The following GPR137C variants were observed in gnomAD, a reference collection of about 807,000 sequenced individuals.
The protein encoded by GPR137C is integral membrane protein GPR137C.
Under a neutral mutation model 43.4 loss-of-function variants are expected in GPR137C, and 27 were observed. The observed-to-expected ratio is 0.62, with a 90% confidence interval of 0.46 to 0.86. GPR137C has a LOEUF of 0.86. GPR137C is among the 40% of genes least tolerant of loss of function. The pLI, the probability that GPR137C is intolerant of heterozygous loss-of-function variation, is 0.00. For synonymous variants in GPR137C, 285 were observed against 226.9 expected, an observed-to-expected ratio of 1.26 and a Z score of -2.30; for missense variants, 522 against 534.6, an observed-to-expected ratio of 0.98 and a Z score of 0.23.
At chr14:52,608,305 A>G (rs1341733654) in intron 3 of GPR137C, among the ~76,000 whole-genome samples, 2 of 152,178 alleles carry the variant, frequency 1.3e-5, no homozygotes, top group African/African-American at 4.8e-5. Context: ...GCTTACAAAA[A>G]ATATTCTGTA....
chr14:52,609,906 C>T (rs1263320849), intron 3 of GPR137C, among the ~76,000 whole-genome samples: 1 of 152,208 alleles, frequency 6.6e-6, no homozygotes, highest in Non-Finnish European at 1.5e-5. Flanking sequence ...TGTGATTCCC[C>T]TACCACTATC....
chr14:52,606,875 C>A (rs543287172), intron 3 of GPR137C, among the ~76,000 whole-genome samples: 1 of 152,012 alleles, frequency 6.6e-6, no homozygotes, highest in South Asian at 2.1e-4. Flanking sequence ...CCTTGAGATA[C>A]ATTATTAGAT....
intron 1 of GPR137C, among the ~76,000 whole-genome samples, chr14:52,565,919 C>T (rs1394967651): frequency 6.6e-6 from 1 of 152,028 alleles, no homozygotes; most frequent in Non-Finnish European, 1.5e-5. Flanking sequence ...TTTTCTGGGC[C>T]AGTTGTATAA....
In GPR137C at chr14:52,617,441, GGCTGAGGCAGGTGGATC is replaced by G. The variant is rs2039111688; in HGVS notation, c.718-14718_718-14702del. 2.0e-5 allele frequency among the ~76,000 whole-genome samples: 3 copies of G among 152,266 alleles called. 1 individual carries two copies. Among genetic ancestry groups the G allele is most frequent in the African/African-American group, 7.2e-5 (3 of 41,552 alleles). On this transcript the variant is annotated intron_variant, in intron 3 of 6. Transcript: ENST00000321662. ...CACCTGTAATCCCAGCACCTTAGGA[GGCTGAGGCAGGTGGATC>G]ACTTGAGGTCAGGAGTTCAAGACCA...
At chr14:52,634,877 A>G (rs1375294065) in intron 6 of GPR137C, 61 bp from the exon 7 acceptor site, 4 of 1,417,430 alleles carry the variant, frequency 2.8e-6, no homozygotes, top group African/African-American at 1.5e-5. Flanking sequence ...TAAAAATTCA[A>G]ATGTGACTTC....
intron 1 of GPR137C, among the ~76,000 whole-genome samples, chr14:52,577,505 T>TGCGC (rs765290271): frequency 4.4e-5 from 6 of 136,616 alleles, no homozygotes; most frequent in Non-Finnish European, 6.2e-5. Flanking sequence ...CATGCACGCG[T>TGCGC]GCGCGCGCGC....
At chr14:52,558,056 T>A (rs906603136) in intron 1 of GPR137C, among the ~76,000 whole-genome samples, 1 of 151,304 alleles carries the variant, frequency 6.6e-6, no homozygotes, top group Non-Finnish European at 1.5e-5. Flanking sequence ...GAGTAGTCAG[T>A]CTTTTTCAGT....
chr14:52,601,335 A>G, intron 3 of GPR137C, among the ~76,000 whole-genome samples: 1 of 152,172 alleles, frequency 6.6e-6, no homozygotes, highest in Middle Eastern at 3.2e-3. Context: ...TTAGGCTTCT[A>G]TATTTTCGTT....
Position 52,637,558 on chromosome 14 carries a change from G to A in GPR137C, c.*2443G>A, listed in dbSNP as rs893028485. On this transcript the variant is annotated 3_prime_UTR_variant, in exon 7 of 7. Transcript: ENST00000321662. ...AGCTAAAGTGGCTTTTTTATGCATA[G>A]CTGCCTTTTTTATTGTTTAACAGTG... 6.6e-6 allele frequency: 1 copy of A among 152,058 alleles called. No individual in the cohort carries two copies. Among genetic ancestry groups the A allele is most frequent in the Admixed American group, 6.6e-5 (1 of 15,248 alleles). 9.4% of individuals were successfully genotyped at this position (152,058 alleles called of 1,614,324 possible). A position where few individuals can be genotyped will look rare whatever the true frequency, so the allele number is the denominator to read the frequency against.
intron 3 of GPR137C, among the ~76,000 whole-genome samples, chr14:52,602,360 G>A (rs950474487): frequency 6.6e-6 from 1 of 150,448 alleles, no homozygotes; most frequent in Admixed American, 6.6e-5. Context: ...CCTTTGTTAC[G>A]CTTTCACTAT....
At chr14:52,563,538 G>GGCCA (rs2038318805) in intron 1 of GPR137C, among the ~76,000 whole-genome samples, 1 of 152,042 alleles carries the variant, frequency 6.6e-6, no homozygotes, top group African/African-American at 2.4e-5. Context: ...CAGCAACTTG[G>GGCCA]GAGGCTGAGG....
Position 52,636,282 on chromosome 14 carries a change from T to C in GPR137C, c.*1167T>C, listed in dbSNP as rs1398236177. The C allele has an allele frequency of 2.0e-5, 3 of 152,036 alleles. No homozygotes were observed. The highest frequency in any genetic ancestry group is 7.2e-5 in the African/African-American group (3 of 41,430). The allele number at this position is 152,036 out of a possible 1,614,324, so 9.4% of individuals were successfully genotyped here. The stretch of plus-strand genomic sequence containing the variant: ...CAGGTTAACAATATTGGAGTACTTT[T>C]AGAATTACATTAAAACTGTCTTAAA... On this transcript the variant is annotated 3_prime_UTR_variant, in exon 7 of 7. Coordinates refer to ENST00000321662, the MANE Select transcript of GPR137C (RefSeq NM_001099652.2).
chr14:52,566,781 G>A (rs2038376732), intron 1 of GPR137C, among the ~76,000 whole-genome samples: 1 of 152,200 alleles, frequency 6.6e-6, no homozygotes, highest in Non-Finnish European at 1.5e-5. Flanking sequence ...AGATTTTCCA[G>A]GTTTTGTAAA....
rs113203882 is a variant in GPR137C, at chr14:52,563,750, A to G, written c.444+10159A>G. Among the ~76,000 whole-genome samples the G allele has an allele frequency of 2.1e-3, 324 of 152,208 alleles. 1 individual carries two copies. The highest frequency in any genetic ancestry group is 7.3e-3 in the African/African-American group (304 of 41,534). ...AATTCAGAAACGTGAGTCCTTCTCA[A>G]TATTCTTTCTCCCTCATTACGCACA... is the stretch of plus-strand genomic sequence containing the variant. On this transcript the variant is annotated intron_variant, in intron 1 of 6. Coordinates refer to ENST00000321662, the MANE Select transcript of GPR137C (RefSeq NM_001099652.2).
intron 3 of GPR137C, among the ~76,000 whole-genome samples, chr14:52,620,774 T>G (rs2039151746): frequency 6.6e-6 from 1 of 151,914 alleles, no homozygotes; most frequent in African/African-American, 2.4e-5. Context: ...AAATATAGTA[T>G]TTAAAATAAA....
At chr14:52,565,884 A>G (rs1222880119) in intron 1 of GPR137C, among the ~76,000 whole-genome samples, 1 of 152,186 alleles carries the variant, frequency 6.6e-6, no homozygotes, top group Non-Finnish European at 1.5e-5. Context: ...CTTTATATGA[A>G]TAATTGATAT....
chr14:52,577,728 T>C (rs555665065), intron 1 of GPR137C, among the ~76,000 whole-genome samples: 56 of 148,798 alleles, frequency 3.8e-4, no homozygotes, highest in African/African-American at 1.4e-3. Context: ...TTTGGGAGGC[T>C]GAGGCAGGCG....
intron 3 of GPR137C, among the ~76,000 whole-genome samples, chr14:52,615,277 G>A (rs1297516194): frequency 2.0e-5 from 3 of 152,024 alleles, no homozygotes; most frequent in Admixed American, 2.0e-4. Context: ...TGTGTGGATT[G>A]GTTTCTGGGT....
intron 1 of GPR137C, among the ~76,000 whole-genome samples, chr14:52,595,197 T>C (rs2038837364): frequency 6.6e-6 from 1 of 152,244 alleles, no homozygotes; most frequent in South Asian, 2.1e-4. Context: ...CCTGTTAGTC[T>C]GATGGGCTTC....
Sources: gnomAD v4.1 joint callset for allele counts (sites outside exome capture counted in the v4.1 genomes callset) on GRCh38, gnomAD v4.1.1 for gene constraint, MANE v1.5 for transcripts, NCBI Gene and HGNC (gene_info 2026-07-23, HGNC 2026-07-21) for gene names.